GRID1: variants seen among roughly 807,000 people sequenced by gnomAD.
GRID1 encodes the protein glutamate ionotropic receptor delta type subunit 1.
GRID1 carries 28 observed loss-of-function variants against 98.0 expected under a neutral mutation model. The ratio of observed to expected loss-of-function variants is 0.29; its 90% CI spans 0.21 to 0.39. The LOEUF (loss-of-function observed/expected upper bound fraction) is 0.39, where lower values mean the gene tolerates loss of function less well. Ranked by LOEUF, GRID1 falls within the 10% of genes least tolerant of loss-of-function variation. GRID1 has a pLI of 1.00. For missense variants in GRID1, 1,111 were observed against 1,340.5 expected (o/e 0.83, Z 2.67); for synonymous variants, 553 against 538.5 (o/e 1.03, Z -0.37).
intron 4 of GRID1, among the ~76,000 whole-genome samples, chr10:85,937,804 A>G (rs1056034924): frequency 2.6e-5 from 4 of 152,184 alleles, no homozygotes; most frequent in African/African-American, 9.7e-5. Flanking sequence ...GCTGCTAAAC[A>G]TCGTACAATG....
intron 2 of GRID1, among the ~76,000 whole-genome samples, chr10:86,314,721 A>G (rs1012958794): frequency 6.6e-6 from 1 of 152,176 alleles, no homozygotes; most frequent in Non-Finnish European, 1.5e-5. Context: ...TCTTGGGCCA[A>G]CAGTCCCCTT....
At chr10:85,928,711 A>AG (rs1841809719) in intron 4 of GRID1, among the ~76,000 whole-genome samples, 1 of 152,186 alleles carries the variant, frequency 6.6e-6, no homozygotes, top group Admixed American at 6.5e-5. Context: ...ATACACCTAC[A>AG]TTCCCTGTAC....
At chr10:86,262,519 C>T (rs1870159) in intron 2 of GRID1, among the ~76,000 whole-genome samples, 2 of 152,164 alleles carry the variant, frequency 1.3e-5, no homozygotes, top group Non-Finnish European at 2.9e-5. Context: ...GGCATGGATG[C>T]TGGCAGAGGG....
chr10:85,957,711 A>C (rs1842213094), intron 4 of GRID1, among the ~76,000 whole-genome samples: 1 of 152,222 alleles, frequency 6.6e-6, no homozygotes, highest in African/African-American at 2.4e-5. Flanking sequence ...CAAGACTCCA[A>C]GCCTGCTCTG....
intron 4 of GRID1, among the ~76,000 whole-genome samples, chr10:86,136,734 A>C (rs1286888987): frequency 6.6e-6 from 1 of 152,194 alleles, no homozygotes; most frequent in East Asian, 1.9e-4. Flanking sequence ...CAAAGTCCAA[A>C]TGCCATCGTT....
At chr10:86,177,947 T>C (rs1218635466) in intron 3 of GRID1, among the ~76,000 whole-genome samples, 1 of 151,952 alleles carries the variant, frequency 6.6e-6, no homozygotes, top group Non-Finnish European at 1.5e-5. Context: ...GAGATCCCAG[T>C]CCACCACCGT....
chr10:86,336,911 C>T (rs575383068), intron 2 of GRID1, among the ~76,000 whole-genome samples: 2 of 149,618 alleles, frequency 1.3e-5, no homozygotes, highest in Admixed American at 1.3e-4. Flanking sequence ...GTGGCGCGAT[C>T]TCGGCTCACT....
intron 4 of GRID1, among the ~76,000 whole-genome samples, chr10:85,949,648 T>C (rs1248880806): frequency 2.0e-5 from 3 of 152,218 alleles, no homozygotes; most frequent in Admixed American, 2.0e-4. Flanking sequence ...GCTTCCATCC[T>C]GGCATCTCCA....
At chr10:86,219,593 C>T (rs532454966) in intron 2 of GRID1, among the ~76,000 whole-genome samples, 11 of 152,346 alleles carry the variant, frequency 7.2e-5, no homozygotes, top group Admixed American at 1.3e-4. Context: ...GCCCTGGTCA[C>T]GTGTGGCCCC....
In GRID1 at chr10:86,255,205, T is replaced by C. The variant is rs573087572; in HGVS notation, c.236-48557A>G. ...CCAAGATGCAAACATGCTTTTCTTT[T>C]CTTTATTTTCAAATATTCTGTCATG... On this transcript the variant is annotated intron_variant, in intron 2 of 15. Coordinates refer to ENST00000327946, the MANE Select transcript of GRID1 (RefSeq NM_017551.3). Among the ~76,000 whole-genome samples the C allele has an allele frequency of 3.3e-5, 5 of 152,380 alleles. No individual in the cohort carries two copies. The East Asian group carries it at 9.6e-4, about 29-fold the overall frequency.
chr10:86,082,866 T>C (rs1843996940), intron 4 of GRID1, among the ~76,000 whole-genome samples: 1 of 152,200 alleles, frequency 6.6e-6, no homozygotes. Flanking sequence ...GCTCAAATGT[T>C]TCCTCCTTTG....
chr10:85,841,263 C>T (rs1231351445), intron 8 of GRID1, among the ~76,000 whole-genome samples: 1 of 152,114 alleles, frequency 6.6e-6, no homozygotes, highest in African/African-American at 2.4e-5. Flanking sequence ...ATAAATGGTG[C>T]TGGAATAACT....
At chr10:85,942,098 T>C (rs968341823) in intron 4 of GRID1, among the ~76,000 whole-genome samples, 4 of 152,212 alleles carry the variant, frequency 2.6e-5, no homozygotes, top group Non-Finnish European at 4.4e-5. Context: ...GTTTCTCAAA[T>C]GTACTGATCA....
chr10:86,213,914 C>G lies in GRID1; in HGVS notation c.236-7266G>C, dbSNP rs528346405. Among the ~76,000 whole-genome samples, 4 of 152,294 alleles carry G rather than the reference C, an allele frequency of 2.6e-5. No homozygotes were observed. In the South Asian group the frequency reaches 8.3e-4, roughly 32 times the overall value. On this transcript the variant is annotated intron_variant, in intron 2 of 15. Transcript: ENST00000327946. ...TCCTAACCCTTCTCTCTCACTGGCC[C>G]TCTGCACCCAAGCCACCACCAGGCC...
rs572582460 is a variant in GRID1 at position 85,839,448 on chromosome 10, A to C, written c.1233+15048T>G. 2.0e-5 allele frequency among the ~76,000 whole-genome samples: 3 copies of C among 152,338 alleles called. No homozygotes were observed. In the East Asian group the frequency reaches 5.8e-4, roughly 29 times the overall value. On this transcript the variant is annotated intron_variant, in intron 8 of 15. Coordinates refer to ENST00000327946, the MANE Select transcript of GRID1 (RefSeq NM_017551.3). ...AAATTATAACAGTCTCTCATACCAC[A>C]GTGTAATTAAATTAGAAATCAAGAC...
At chr10:86,137,834 C>T (rs1028061155) in intron 4 of GRID1, among the ~76,000 whole-genome samples, 1 of 152,208 alleles carries the variant, frequency 6.6e-6, no homozygotes, top group African/African-American at 2.4e-5. Flanking sequence ...CAGCAGTGGG[C>T]TTTGGGCTGG....
intron 2 of GRID1, among the ~76,000 whole-genome samples, chr10:86,275,722 T>G (rs1278472111): frequency 6.6e-6 from 1 of 151,932 alleles, no homozygotes. Flanking sequence ...AATTATCAAG[T>G]CTGAGAATCA....
intron 8 of GRID1, among the ~76,000 whole-genome samples, chr10:85,752,999 C>T (rs989029871): frequency 1.3e-5 from 2 of 152,134 alleles, no homozygotes; most frequent in African/African-American, 4.8e-5. Context: ...CCTACTTTTC[C>T]CTCGGGTATC....
chr10:85,658,790 TA>T (rs1220483689), intron 12 of GRID1, among the ~76,000 whole-genome samples: 1 of 151,606 alleles, frequency 6.6e-6, no homozygotes. Context: ...AAGAGAGAAA[TA>T]AAAAAATGTT....
Sources: gnomAD v4.1 joint callset for allele counts (sites outside exome capture counted in the v4.1 genomes callset) on GRCh38, gnomAD v4.1.1 for gene constraint, MANE v1.5 for transcripts, NCBI Gene and HGNC (gene_info 2026-07-23, HGNC 2026-07-21) for gene names.